The following TRIQK variants were observed in gnomAD, a reference collection of about 807,000 sequenced individuals.
The protein encoded by TRIQK is triple QxxK/R motif-containing protein.
In TRIQK, 10 loss-of-function variants were observed where a neutral mutation model predicts 10.8. The ratio of observed to expected loss-of-function variants is 0.92; its 90% CI spans 0.57 to 1.57. TRIQK has a LOEUF of 1.57. Ranked by LOEUF, TRIQK falls within the 40% of genes most tolerant of loss-of-function variation. TRIQK has a pLI of 0.00. For missense variants in TRIQK, 107 were observed against 97.7 expected (o/e 1.09, Z -0.40); for synonymous variants, 33 against 33.7 (o/e 0.98, Z 0.07).
intron 2 of TRIQK, among the ~76,000 whole-genome samples, chr8:92,949,605 GAGAA>G (rs1336640362): frequency 2.2e-5 from 3 of 137,902 alleles, no homozygotes; most frequent in Non-Finnish European, 4.6e-5. Flanking sequence ...AGAAAGAAAA[GAGAA>G]AGGAAGGGAG....
intron 1 of TRIQK, among the ~76,000 whole-genome samples, chr8:92,976,483 T>A (rs964393315): frequency 6.6e-6 from 1 of 152,004 alleles, no homozygotes; most frequent in Admixed American, 6.6e-5. Context: ...AGTGTTAACA[T>A]GGTTTTATTT....
At chr8:93,013,966 T>C (rs893495229) in intron 1 of TRIQK, among the ~76,000 whole-genome samples, 2 of 152,106 alleles carry the variant, frequency 1.3e-5, no homozygotes, top group African/African-American at 4.8e-5. Flanking sequence ...ACAGAGCTAA[T>C]GAAAGGCTAT....
intron 1 of TRIQK, among the ~76,000 whole-genome samples, chr8:92,996,964 G>A (rs915848989): frequency 2.0e-5 from 3 of 151,972 alleles, no homozygotes; most frequent in African/African-American, 7.2e-5. Context: ...TATACAGGCA[G>A]AGTGAGACCC....
chr8:92,969,352 T>C (rs1170407440), upstream of TRIQK, among the ~76,000 whole-genome samples: 1 of 152,190 alleles, frequency 6.6e-6, no homozygotes, highest in Non-Finnish European at 1.5e-5. Context: ...CTTACAGTTA[T>C]TGACTTTTAA....
intron 2 of TRIQK, among the ~76,000 whole-genome samples, chr8:92,937,299 A>AAC (rs139367188): frequency 0.048 from 7,199 of 151,040 alleles, 201 homozygotes; most frequent in African/African-American, 0.062. Context: ...TACCTATACC[A>AAC]ACACACACAC....
chr8:92,976,147 T>G (rs1812930339), intron 1 of TRIQK, among the ~76,000 whole-genome samples: 1 of 151,974 alleles, frequency 6.6e-6, no homozygotes, highest in South Asian at 2.1e-4. Flanking sequence ...TCAATAGCAT[T>G]CTATAAATTT....
At chr8:92,996,191 C>T (rs1813152315) in intron 1 of TRIQK, among the ~76,000 whole-genome samples, 1 of 151,976 alleles carries the variant, frequency 6.6e-6, no homozygotes, top group Admixed American at 6.6e-5. Context: ...TTGTGGTCTG[C>T]AAGATTTGCA....
At chr8:92,921,995 A>C (rs1342125480) in intron 2 of TRIQK, among the ~76,000 whole-genome samples, 2 of 151,758 alleles carry the variant, frequency 1.3e-5, no homozygotes, top group Admixed American at 6.6e-5. Context: ...TCAGCTAAAA[A>C]CCTATTTTTC....
intron 1 of TRIQK, among the ~76,000 whole-genome samples, chr8:92,978,415 T>G (rs1686525483): frequency 6.6e-6 from 1 of 152,192 alleles, no homozygotes; most frequent in South Asian, 2.1e-4. Context: ...AGCTGAAGTT[T>G]AAATCCAATT....
At chr8:92,900,310 A>G (rs1808859350) in intron 3 of TRIQK, among the ~76,000 whole-genome samples, 2 of 152,188 alleles carry the variant, frequency 1.3e-5, no homozygotes, top group Admixed American at 1.3e-4. Context: ...CTATGATTCA[A>G]GAAATCTTTA....
intron 1 of TRIQK, among the ~76,000 whole-genome samples, chr8:93,000,814 A>T (rs1813202488): frequency 6.6e-6 from 1 of 151,928 alleles, no homozygotes; most frequent in African/African-American, 2.4e-5. Context: ...ATTACAGCAC[A>T]TACACAAATG....
rs973929192 is a variant in TRIQK at position 92,884,352 on chromosome 8, A to C, written c.*2270T>G. 3 of 155,080 alleles carry C rather than the reference A, an allele frequency of 1.9e-5. No homozygotes were observed. Among genetic ancestry groups the C allele is most frequent in the African/African-American group, 7.2e-5 (3 of 41,394 alleles). 9.6% of individuals were successfully genotyped at this position (155,080 alleles called of 1,614,324 possible). On this transcript the variant is annotated 3_prime_UTR_variant, in exon 5 of 5. Coordinates refer to ENST00000521988, the MANE Select transcript of TRIQK (RefSeq NM_001171797.2). ...GTGAGTTTTGCAAAGTTTGCATTTC[A>C]TGAAAACAGTGTTGTGTAAACATAT...
intron 1 of TRIQK, among the ~76,000 whole-genome samples, chr8:92,979,206 T>C (rs1316407582): frequency 2.6e-5 from 4 of 152,132 alleles, no homozygotes; most frequent in Non-Finnish European, 5.9e-5. Flanking sequence ...TAGCTGTGTT[T>C]AGGTGGAACT....
intron 3 of TRIQK, among the ~76,000 whole-genome samples, chr8:92,909,326 T>C (rs1809448595): frequency 6.6e-6 from 1 of 151,924 alleles, no homozygotes; most frequent in Non-Finnish European, 1.5e-5. Context: ...AACGTACCTT[T>C]ACATTTAATA....
chr8:93,010,862 T>C (rs994001157), intron 1 of TRIQK, among the ~76,000 whole-genome samples: 3 of 152,190 alleles, frequency 2.0e-5, no homozygotes, highest in African/African-American at 4.8e-5. Flanking sequence ...TGTACACATA[T>C]ATGCTTCATT....
rs1187546235 is a variant in TRIQK, at chr8:92,891,980, G to A, written c.147+9C>T. ...TATCAAATTTTAAAGTTATCAAATA[G>A]AGGTTTACCTTTATGCCTATTGCTG... On this transcript the variant is annotated intron_variant, in intron 4 of 4. Transcript: ENST00000521988. 56 of 1,522,510 alleles carry A rather than the reference G, an allele frequency of 3.7e-5. No homozygotes were observed. Among genetic ancestry groups the A allele is most frequent in the Admixed American group, 1.2e-4 (6 of 49,488 alleles). 94.3% of individuals were successfully genotyped at this position (1,522,510 alleles called of 1,614,324 possible).
intron 4 of TRIQK, among the ~76,000 whole-genome samples, chr8:92,887,924 C>T (rs143311139): frequency 2.6e-5 from 4 of 151,630 alleles, no homozygotes; most frequent in African/African-American, 9.6e-5. Context: ...ACTCAAGTGT[C>T]AAAGATCTTT....
At chr8:92,978,485 A>G (rs992007082) in intron 1 of TRIQK, among the ~76,000 whole-genome samples, 1 of 152,126 alleles carries the variant, frequency 6.6e-6, no homozygotes, top group Non-Finnish European at 1.5e-5. Flanking sequence ...GTATTCAAAA[A>G]TTATTTATCG....
chr8:92,889,290 G>T (rs1184913848), intron 4 of TRIQK, among the ~76,000 whole-genome samples: 3 of 151,496 alleles, frequency 2.0e-5, no homozygotes, highest in East Asian at 3.9e-4. Flanking sequence ...CTGTTGATTT[G>T]ATATGGTAAT....
Sources: gnomAD v4.1 joint callset for allele counts (sites outside exome capture counted in the v4.1 genomes callset) on GRCh38, gnomAD v4.1.1 for gene constraint, MANE v1.5 for transcripts, NCBI Gene and HGNC (gene_info 2026-07-23, HGNC 2026-07-21) for gene names.